Variants in PPP2R1A observed in about 807,000 individuals in gnomAD.
The protein encoded by PPP2R1A is protein phosphatase 2 scaffold subunit Aalpha.
PPP2R1A carries 15 observed loss-of-function variants against 67.1 expected under a neutral mutation model. The ratio of observed to expected loss-of-function variants is 0.22; its 90% CI spans 0.15 to 0.34. The LOEUF is 0.34. PPP2R1A is among the 10% of genes least tolerant of loss of function. The pLI, the probability that PPP2R1A is intolerant of heterozygous loss-of-function variation, is 1.00. For synonymous variants in PPP2R1A, 337 were observed against 325.0 expected, an observed-to-expected ratio of 1.04 and a Z score of -0.40; for missense variants, 369 against 775.0, an observed-to-expected ratio of 0.48 and a Z score of 6.22.
chr19:52,216,815 T>G lies in PPP2R1A; in HGVS notation c.1128+152T>G. 3 of 1,199,456 alleles carry G rather than the reference T, an allele frequency of 2.5e-6. No homozygotes were observed. Among genetic ancestry groups the G allele is most frequent in the Non-Finnish European group, 3.5e-6 (3 of 854,336 alleles). The allele number at this position is 1,199,456 out of a possible 1,614,324, so 74.3% of individuals were successfully genotyped here. On this transcript the variant is annotated intron_variant, in intron 9 of 14. Transcript: ENST00000322088. This position sits in a 1 kb window ranked among gnomAD's most constrained non-coding sequence, Gnocchi z 4.3. The stretch of plus-strand genomic sequence containing the variant: ...AGTTGCATGTTTGTGGGCATAGCTG[T>G]GTGTTCATGCGTTCATTCCTCCAGG...
Position 52,213,051 on chromosome 19 carries a change from C to A in PPP2R1A, c.748C>A (p.Gln250Lys), listed in dbSNP as rs2122338549. Residue 250 changes from glutamine to lysine, a missense_variant, in exon 6 of 15, where the codon CAG (glutamine) becomes AAG (lysine). Gln to Lys is a moderately conservative substitution (Grantham distance 53, BLOSUM62 1). Transcript: ENST00000322088. This position sits in a 1 kb window ranked among gnomAD's most constrained non-coding sequence, Gnocchi z 4.2. Reference sequence around the variant, plus strand: ...GGCCCTGGTGATGCCCACTCTGCGCCAGGCCGCTGAAGACAAGTCCTGGCG... The same window carrying A: ...GGCCCTGGTGATGCCCACTCTGCGCAAGGCCGCTGAAGACAAGTCCTGGCG... The part of the protein sequence containing the change: ...LEALVMPTLR[Q>K]AAEDKSWRVR... 1 of 1,610,378 alleles carries A rather than the reference C, an allele frequency of 6.2e-7. No homozygotes were observed. Among genetic ancestry groups the A allele is most frequent in the Non-Finnish European group, 8.5e-7 (1 of 1,179,210 alleles).
rs540771489 is a variant in PPP2R1A at position 52,220,960 on chromosome 19, C to T, written c.1364-19C>T. ...TTCACCTCCAAATCCCTGTCTCTCT[C>T]ACCCTCACCCTTCTGCAGTATATGC... On this transcript the variant is annotated intron_variant, in intron 11 of 14. Coordinates refer to ENST00000322088, the MANE Select transcript of PPP2R1A (RefSeq NM_014225.6). 4 of 1,613,610 alleles carry T rather than the reference C, an allele frequency of 2.5e-6. No homozygotes were observed. The African/African-American group carries it at 4.0e-5, about 16-fold the overall frequency.
In PPP2R1A at chr19:52,211,603, C is replaced by T; in HGVS notation, c.503+111C>T. ...GGGCCCAAATGCCCCTGAACTCTCT[C>T]CACTCCCACTCCTGCTTACCACCTG... is the stretch of plus-strand genomic sequence containing the variant. On this transcript the variant is annotated intron_variant, in intron 4 of 14. Coordinates refer to ENST00000322088, the MANE Select transcript of PPP2R1A (RefSeq NM_014225.6). This position sits in a 1 kb window ranked among gnomAD's most constrained non-coding sequence, Gnocchi z 5.3. The T allele has an allele frequency of 9.4e-7, 1 of 1,060,768 alleles. No individual in the cohort carries two copies. Among genetic ancestry groups the T allele is most frequent in the Middle Eastern group, 2.1e-4 (1 of 4,806 alleles). The allele number at this position is 1,060,768 out of a possible 1,614,324, so 65.7% of individuals were successfully genotyped here. A position where few individuals can be genotyped will look rare whatever the true frequency, so the allele number is the denominator to read the frequency against.
rs184692392 is a variant in PPP2R1A, at chr19:52,208,999, A to G, written c.271-2261A>G. Among the ~76,000 whole-genome samples, 90 of 152,264 alleles carry G rather than the reference A, an allele frequency of 5.9e-4. No individual in the cohort carries two copies. The East Asian group carries it at 8.7e-3, about 15-fold the overall frequency. On this transcript the variant is annotated intron_variant, in intron 3 of 14. Transcript: ENST00000322088. ...GAGTCTTCACTGTGCAAAGGCATCA[A>G]TTGCAGTTTCTTAAATGTGTACCTT... is the stretch of plus-strand genomic sequence containing the variant.
rs778543586 is a variant in PPP2R1A at position 52,222,127 on chromosome 19, T to C, written c.1547T>C (p.Ile516Thr). ...NVLSEVCGQD[I>T]TTKHMLPTVL... The stretch of plus-strand genomic sequence containing the variant: ...CTGTCTGAGGTCTGTGGGCAGGACA[T>C]CACCACCAAGCACATGCTACCCACG... Residue 516 changes from isoleucine (I) to threonine (T), a missense_variant, in exon 13 of 15, where the codon ATC becomes ACC. By Grantham distance (89) the Ile-to-Thr change is moderately conservative. Around this residue, in one of 2 missense-constraint regions of PPP2R1A, gnomAD observed 276 missense variants for 508.4 expected, o/e 0.54. Transcript: ENST00000322088. The C allele has an allele frequency of 1.7e-5, 28 of 1,613,570 alleles. No homozygotes were observed. The highest frequency in any genetic ancestry group is 2.3e-5 in the Non-Finnish European group (27 of 1,179,840).
chr19:52,224,723 A>G lies in PPP2R1A; in HGVS notation c.1662-994A>G, dbSNP rs562789936. Among the ~76,000 whole-genome samples, 8 of 152,294 alleles carry G rather than the reference A, an allele frequency of 5.3e-5. No homozygotes were observed. The South Asian group carries it at 1.7e-3, about 32-fold the overall frequency. Reference sequence around the variant, plus strand: ...AGTTTGTTTGGTTTTCCTTTGAGGCAGAATCTCGCTCTGTCGCCCAGACTG... The same window carrying G: ...AGTTTGTTTGGTTTTCCTTTGAGGCGGAATCTCGCTCTGTCGCCCAGACTG... On this transcript the variant is annotated intron_variant, in intron 13 of 14. Transcript: ENST00000322088.
At chr19:52,192,756 G>A (rs2089466251) in intron 1 of PPP2R1A, among the ~76,000 whole-genome samples, 1 of 152,120 alleles carries the variant, frequency 6.6e-6, no homozygotes, top group Admixed American at 6.6e-5. Context: ...CAGCTTACCG[G>A]TTTATTCTAA....
intron 3 of PPP2R1A, among the ~76,000 whole-genome samples, chr19:52,208,781 G>T (rs927601803): frequency 6.6e-6 from 1 of 152,212 alleles, no homozygotes; most frequent in Non-Finnish European, 1.5e-5. Flanking sequence ...TTACAGGCGT[G>T]AGCCACCGCA....
At chr19:52,220,841 C>CT (rs1047418898) in intron 11 of PPP2R1A, 138 bp from the exon 12 acceptor site, 1 of 1,010,282 alleles carries the variant, frequency 9.9e-7, no homozygotes, top group Non-Finnish European at 1.5e-6. Context: ...ATAGTAAGTC[C>CT]TTTTTTCTCT....
rs369013078 is a variant in PPP2R1A, at chr19:52,226,370, A to T, written c.*389A>T. The T allele has an allele frequency of 3.0e-6, 1 of 331,240 alleles. No individual in the cohort carries two copies. Among genetic ancestry groups the T allele is most frequent in the Non-Finnish European group, 5.5e-6 (1 of 180,276 alleles). The allele number at this position is 331,240 out of a possible 1,614,324, so 20.5% of individuals were successfully genotyped here. A position where few individuals can be genotyped will look rare whatever the true frequency, so the allele number is the denominator to read the frequency against. On this transcript the variant is annotated 3_prime_UTR_variant, in exon 15 of 15. Transcript: ENST00000322088. Reference sequence around the variant, plus strand: ...GTGTCAACTGTGCCGTTTTTATTTTATTCCTTTTATTTTCCCCCTTTTCAC... The same window carrying T: ...GTGTCAACTGTGCCGTTTTTATTTTTTTCCTTTTATTTTCCCCCTTTTCAC...
chr19:52,222,069 TACTCACCCCTGCC>T lies in PPP2R1A; in HGVS notation c.1519-23_1519-11del. 1 of 1,577,140 alleles carries T rather than the reference TACTCACCCCTGCC, an allele frequency of 6.3e-7. No individual in the cohort carries two copies. The highest frequency in any genetic ancestry group is 8.6e-7 in the Non-Finnish European group (1 of 1,160,608). ...ATGAGAGTTAGCCAGGAGCTTTGCATACTCACCCCTGCCACTCACTGGCCCCCAGGTGCTGTCT... is the reference window on the plus strand; with the variant it reads ...ATGAGAGTTAGCCAGGAGCTTTGCATACTCACTGGCCCCCAGGTGCTGTCT... On this transcript the variant is annotated splice_polypyrimidine_tract_variant and intron_variant, in intron 12 of 14. Transcript: ENST00000322088.
chr19:52,224,516 A>G (rs535409966), intron 13 of PPP2R1A, among the ~76,000 whole-genome samples: 1 of 152,324 alleles, frequency 6.6e-6, no homozygotes, highest in African/African-American at 2.4e-5. Flanking sequence ...AATACATTGT[A>G]GGCCTCAGTG....
chr19:52,222,116 T>C lies in PPP2R1A; in HGVS notation c.1536T>C (p.Cys512=), dbSNP rs1978971888. 1 of 1,613,036 alleles carries C rather than the reference T, an allele frequency of 6.2e-7. No homozygotes were observed. Among genetic ancestry groups the C allele is most frequent in the Non-Finnish European group, 8.5e-7 (1 of 1,179,606 alleles). ...LFCINVLSEV[C]GQDITTKHML... ...GCCCCCAGGTGCTGTCTGAGGTCTG[T>C]GGGCAGGACATCACCACCAAGCACA... The change falls in exon 13 of 15, where the codon TGT becomes TGC. Residue 512 remains cysteine (C), a synonymous_variant. Coordinates refer to ENST00000322088, the MANE Select transcript of PPP2R1A (RefSeq NM_014225.6).
In PPP2R1A at chr19:52,212,941, T is replaced by G. The variant is rs757578545; in HGVS notation, c.652-14T>G. 1 of 1,579,746 alleles carries G rather than the reference T, an allele frequency of 6.3e-7. No individual in the cohort carries two copies. ...GCCTCTGCTGCCCTCCCACTGTTCC[T>G]CTCCTCTCCCTAGGACTCGGTGCGG... On this transcript the variant is annotated splice_polypyrimidine_tract_variant and intron_variant, in intron 5 of 14. Transcript: ENST00000322088. The surrounding 1 kb of genome is among the most constrained non-coding windows in gnomAD (Gnocchi z 4.1).
intron 3 of PPP2R1A, among the ~76,000 whole-genome samples, chr19:52,207,801 GC>G (rs1488499633): frequency 6.6e-6 from 1 of 152,116 alleles, no homozygotes; most frequent in African/African-American, 2.4e-5. Flanking sequence ...TCGATCCCAG[GC>G]CCCTAATTCT....
Position 52,220,224 on chromosome 19 carries a change from G to A in PPP2R1A, c.1338G>A (p.Leu446=). 1 of 1,614,060 alleles carries A rather than the reference G, an allele frequency of 6.2e-7. No individual in the cohort carries two copies. The highest frequency in any genetic ancestry group is 8.5e-7 in the Non-Finnish European group (1 of 1,179,994). ...TCTTTGATGAGAAACTTAACTCCTTGTGCATGGCCTGGCTTGTGGATCATG... is the reference window on the plus strand; with the variant it reads ...TCTTTGATGAGAAACTTAACTCCTTATGCATGGCCTGGCTTGTGGATCATG... ...VEFFDEKLNS[L]CMAWLVDHVY... The change falls in exon 11 of 15, where the codon TTG becomes TTA. Residue 446 remains leucine, a synonymous_variant. Transcript: ENST00000322088.
rs1469742978 is a variant in PPP2R1A at position 52,216,144 on chromosome 19, C to T, written c.993+70C>T. The stretch of plus-strand genomic sequence containing the variant: ...CCAAAAAGAGGGGCTGGAGACAAGG[C>T]TTTGGGGATAGTCAGCTGCAAACTA... On this transcript the variant is annotated intron_variant, in intron 8 of 14. Transcript: ENST00000322088. The surrounding 1 kb of genome is among the most constrained non-coding windows in gnomAD (Gnocchi z 4.3). 6.6e-7 allele frequency: 1 copy of T among 1,524,650 alleles called. No individual in the cohort carries two copies. Among genetic ancestry groups the T allele is most frequent in the African/African-American group, 1.4e-5 (1 of 72,888 alleles). The allele number at this position is 1,524,650 out of a possible 1,614,324, so 94.4% of individuals were successfully genotyped here.
intron 3 of PPP2R1A, among the ~76,000 whole-genome samples, chr19:52,207,936 G>A (rs993341606): frequency 2.0e-5 from 3 of 152,172 alleles, no homozygotes; most frequent in Non-Finnish European, 4.4e-5. Context: ...ATGGGAAGTT[G>A]TCAGGGAAGG....
intron 13 of PPP2R1A, among the ~76,000 whole-genome samples, chr19:52,224,671 T>A (rs140555171): frequency 6.6e-6 from 1 of 152,258 alleles, no homozygotes; most frequent in East Asian, 1.9e-4. Context: ...GACCTTTAAG[T>A]AATTGGTTGG....
Sources: gnomAD v4.1 joint callset for allele counts (sites outside exome capture counted in the v4.1 genomes callset) on GRCh38, gnomAD v4.1.1 for gene constraint, gnomAD v4.1.1 regional missense constraint, Gnocchi (gnomAD v3.1) non-coding constraint, MANE v1.5 for transcripts, NCBI Gene and HGNC (gene_info 2026-07-23, HGNC 2026-07-21) for gene names.